The following C12orf50 variants were observed in gnomAD, a reference collection of about 807,000 sequenced individuals.
C12orf50 encodes uncharacterized protein C12orf50.
Under a neutral mutation model 61.6 loss-of-function variants are expected in C12orf50, and 35 were observed. The ratio of observed to expected loss-of-function variants is 0.57; its 90% CI spans 0.43 to 0.75. C12orf50 has a LOEUF of 0.75. Among genes scored for constraint, C12orf50 ranks in the 30% least tolerant of loss-of-function variants. The pLI, the probability that C12orf50 is intolerant of heterozygous loss-of-function variation, is 0.00. For missense variants in C12orf50, 475 were observed against 488.5 expected, an observed-to-expected ratio of 0.97 and a Z score of 0.26; for synonymous variants, 178 against 161.5, an observed-to-expected ratio of 1.10 and a Z score of -0.77.
chr12:87,988,170 C>T (rs76203686), intron 8 of C12orf50, among the ~76,000 whole-genome samples: 3 of 151,974 alleles, frequency 2.0e-5, no homozygotes, highest in African/African-American at 4.8e-5. Flanking sequence ...AAACAAAACT[C>T]GGAAACTATA....
At chr12:88,027,139 C>T in intron 1 of C12orf50, 69 bp from the exon 2 acceptor site, 1 of 1,446,042 alleles carries the variant, frequency 6.9e-7, no homozygotes, top group Non-Finnish European at 9.2e-7. Context: ...CAATAGGTTG[C>T]TAATTAGTTA....
intron 7 of C12orf50, among the ~76,000 whole-genome samples, chr12:87,993,063 G>C (rs2136421596): frequency 1.3e-5 from 2 of 151,964 alleles, no homozygotes; most frequent in South Asian, 4.2e-4. Context: ...GACTATACCA[G>C]AACTTAGTAT....
intron 3 of C12orf50, among the ~76,000 whole-genome samples, chr12:88,017,046 C>A (rs2032336498): frequency 6.6e-6 from 1 of 152,112 alleles, no homozygotes; most frequent in Admixed American, 6.5e-5. Context: ...GCCCCTAAAG[C>A]AGGAACATGC....
chr12:87,989,003 C>T (rs999665452), intron 8 of C12orf50, among the ~76,000 whole-genome samples: 2 of 151,962 alleles, frequency 1.3e-5, no homozygotes, highest in African/African-American at 4.8e-5. Context: ...CTTGGTATTG[C>T]CATTTAAGAG....
intron 3 of C12orf50, among the ~76,000 whole-genome samples, chr12:88,018,697 C>T (rs1394172407): frequency 6.6e-6 from 1 of 152,272 alleles, no homozygotes; most frequent in East Asian, 1.9e-4. Flanking sequence ...GCAGAGCAAC[C>T]CAAGACCATG....
At chr12:88,013,865 T>A (rs1389927919) in intron 3 of C12orf50, among the ~76,000 whole-genome samples, 2 of 152,176 alleles carry the variant, frequency 1.3e-5, no homozygotes, top group Non-Finnish European at 2.9e-5. Flanking sequence ...GTGGTTGTTG[T>A]TTTAAGCTCC....
At chr12:87,992,488 T>C (rs985216990) in intron 7 of C12orf50, among the ~76,000 whole-genome samples, 29 of 152,258 alleles carry the variant, frequency 1.9e-4, no homozygotes, top group African/African-American at 6.5e-4. Context: ...ATGTCTTACA[T>C]GTAGATATGT....
intron 6 of C12orf50, among the ~76,000 whole-genome samples, chr12:87,995,311 G>T (rs1293221402): frequency 6.6e-6 from 1 of 152,102 alleles, no homozygotes; most frequent in Non-Finnish European, 1.5e-5. Flanking sequence ...GCACATTAAT[G>T]GCATAATTGG....
chr12:88,003,841 A>T (rs1235873769), intron 3 of C12orf50, among the ~76,000 whole-genome samples: 1 of 152,076 alleles, frequency 6.6e-6, no homozygotes. Context: ...TATGCAGATT[A>T]ATTTTTTAAT....
intron 3 of C12orf50, among the ~76,000 whole-genome samples, chr12:88,023,603 G>T (rs2032599025): frequency 1.3e-5 from 2 of 151,336 alleles, no homozygotes; most frequent in Non-Finnish European, 2.9e-5. Context: ...AGGAGGCGGA[G>T]GTTGTAGTGG....
rs1313627883 is a variant in C12orf50, at chr12:87,983,215, A to C, written c.1127-20T>G. The C allele has an allele frequency of 6.7e-7, 1 of 1,492,484 alleles. No homozygotes were observed. Among genetic ancestry groups the C allele is most frequent in the Non-Finnish European group, 9.2e-7 (1 of 1,082,756 alleles). 92.5% of individuals were successfully genotyped at this position (1,492,484 alleles called of 1,614,324 possible). On this transcript the variant is annotated intron_variant, in intron 11 of 12. Transcript: ENST00000298699. Reference sequence around the variant, plus strand: ...ATTTGTCTGAGGGAAAAAAATCCAGAATTAAATATTTTATAACTTTAAAAT... The same window carrying C: ...ATTTGTCTGAGGGAAAAAAATCCAGCATTAAATATTTTATAACTTTAAAAT...
chr12:87,987,924 C>A lies in C12orf50; in HGVS notation c.743G>T (p.Arg248Leu). Residue 248 changes from arginine to leucine, a missense_variant, in exon 9 of 13, where the codon CGA (arginine) becomes CTA (leucine). By Grantham distance (102) the Arg-to-Leu change is moderately radical. Transcript: ENST00000298699. Reference protein sequence around the residue: ...SPHPKHSLTTRLVPTTHVLNA... With the variant: ...SPHPKHSLTTLLVPTTHVLNA... ...TAATACATGCGTTGTAGGTACTAGT[C>A]GGGTAGTTAGGGAATGCTTTGGATG... 3.7e-6 allele frequency: 6 copies of A among 1,611,466 alleles called. No homozygotes were observed. The highest frequency in any genetic ancestry group is 5.1e-6 in the Non-Finnish European group (6 of 1,178,380).
intron 3 of C12orf50, among the ~76,000 whole-genome samples, chr12:88,017,359 C>T (rs2032350402): frequency 6.6e-6 from 1 of 152,192 alleles, no homozygotes; most frequent in Non-Finnish European, 1.5e-5. Flanking sequence ...ATGTGACTTG[C>T]TCCTCCTTGC....
chr12:88,016,717 AG>A (rs2032324375), intron 3 of C12orf50, among the ~76,000 whole-genome samples: 1 of 152,174 alleles, frequency 6.6e-6, no homozygotes, highest in South Asian at 2.1e-4. Context: ...TGGCTATGTT[AG>A]GTGCTTGAGA....
At chr12:88,013,936 G>A (rs2032208815) in intron 3 of C12orf50, among the ~76,000 whole-genome samples, 1 of 152,178 alleles carries the variant, frequency 6.6e-6, no homozygotes, top group African/African-American at 2.4e-5. Flanking sequence ...ACTTCAGATT[G>A]GGTATCCGGG....
rs2136403914 is a variant in C12orf50 at position 87,985,980 on chromosome 12, T to C, written c.996A>G (p.Ala332=). 6.2e-7 allele frequency: 1 copy of C among 1,613,956 alleles called. No individual in the cohort carries two copies. Among genetic ancestry groups the C allele is most frequent in the Non-Finnish European group, 8.5e-7 (1 of 1,179,898 alleles). The change falls in exon 11 of 13, where the codon GCA becomes GCG. Residue 332 remains alanine, a synonymous_variant. Transcript: ENST00000298699. The part of the protein sequence containing the change: ...RNNKNRNAEN[A]SYIHVQRDAV... ...CATCTCTTTGAACGTGGATATAGGA[T>C]GCATTCTCCGCATTTCGATTTTTAT...
chr12:87,995,196 A>T (rs1197809241), intron 6 of C12orf50, among the ~76,000 whole-genome samples: 4 of 152,282 alleles, frequency 2.6e-5, no homozygotes, highest in Non-Finnish European at 2.9e-5. Flanking sequence ...ATTTTCTTCT[A>T]AAATAAACTA....
chr12:87,982,050 A>C (rs1011054340), intron 12 of C12orf50, among the ~76,000 whole-genome samples: 1 of 152,134 alleles, frequency 6.6e-6, no homozygotes, highest in Admixed American at 6.6e-5. Context: ...TGAGAAGGCT[A>C]CTGAAAGACA....
rs113161272 is a variant in C12orf50, at chr12:88,005,919, T to G, written c.134-7729A>C. ...TGTTTTTTTGTTTTTTTGGTTTTTT[T>G]TTTTTTTTTTTTTTTGAGACGGAGT... On this transcript the variant is annotated intron_variant, in intron 3 of 12. Transcript: ENST00000298699. 4.3e-3 allele frequency among the ~76,000 whole-genome samples: 517 copies of G among 121,038 alleles called. 6 individuals are homozygous for G. The highest frequency in any genetic ancestry group is 0.013 in the African/African-American group (406 of 30,750). 79.4% of individuals were successfully genotyped at this position (121,038 alleles called of 152,430 possible).
Sources: gnomAD v4.1 joint callset for allele counts (sites outside exome capture counted in the v4.1 genomes callset) on GRCh38, gnomAD v4.1.1 for gene constraint, MANE v1.5 for transcripts, NCBI Gene and HGNC (gene_info 2026-07-23, HGNC 2026-07-21) for gene names.